TRIO: variants seen among roughly 807,000 people sequenced by gnomAD.
The protein encoded by TRIO is triple functional domain protein.
TRIO carries 58 observed loss-of-function variants against 351.9 expected under a neutral mutation model. The observed-to-expected ratio is 0.16, with a 90% CI of 0.13 to 0.21. The LOEUF is 0.21. TRIO is among the 10% of genes least tolerant of loss of function. The pLI, the probability that TRIO is intolerant of heterozygous loss-of-function variation, is 1.00. For missense variants in TRIO, 3,201 were observed against 4,027.8 expected (o/e 0.79, Z 5.56); for synonymous variants, 1,758 against 1,595.7 (o/e 1.10, Z -2.42).
intron 9 of TRIO, among the ~76,000 whole-genome samples, chr5:14,324,055 A>G (rs1174265737): frequency 1.3e-5 from 2 of 152,232 alleles, no homozygotes; most frequent in African/African-American, 4.8e-5. Flanking sequence ...GAAAGCTCAG[A>G]ATGTAATATG....
intron 18 of TRIO, among the ~76,000 whole-genome samples, chr5:14,370,296 C>T (rs975756204): frequency 6.2e-4 from 94 of 152,140 alleles, no homozygotes; most frequent in African/African-American, 2.2e-3. Context: ...ATAAATGTCA[C>T]ATTTAGTCAT....
At chr5:14,193,237 A>G (rs1030088642) in intron 1 of TRIO, among the ~76,000 whole-genome samples, 1 of 152,362 alleles carries the variant, frequency 6.6e-6, no homozygotes, top group South Asian at 2.1e-4. Flanking sequence ...TTCACTATAA[A>G]TAAGTAAATC....
Position 14,498,269 on chromosome 5 carries a change from C to A in TRIO, c.8210+18C>A, listed in dbSNP as rs777732238. On this transcript the variant is annotated intron_variant, in intron 52 of 56. Coordinates refer to ENST00000344204, the MANE Select transcript of TRIO (RefSeq NM_007118.4). ...TCCTACAGGTGAGGGAGGCCCACTCCTGGTGGGTTTCGCTGGCTGGGAGCA... is the reference window on the plus strand; with the variant it reads ...TCCTACAGGTGAGGGAGGCCCACTCATGGTGGGTTTCGCTGGCTGGGAGCA... The A allele has an allele frequency of 6.2e-7, 1 of 1,608,858 alleles. No individual in the cohort carries two copies. The highest frequency in any genetic ancestry group is 1.7e-5 in the Admixed American group (1 of 59,908).
chr5:14,155,244 G>C (rs1788039272), intron 1 of TRIO, among the ~76,000 whole-genome samples: 1 of 152,106 alleles, frequency 6.6e-6, no homozygotes, highest in African/African-American at 2.4e-5. Context: ...TTCTCTTTCT[G>C]GATATAGCTA....
intron 48 of TRIO, chr5:14,489,013 C>A (rs765400564): frequency 1.3e-6 from 1 of 765,244 alleles, no homozygotes; most frequent in South Asian, 1.3e-5. Flanking sequence ...ACTGTCCTAC[C>A]CACCTGTTTC....
At chr5:14,311,317 A>G (rs1404134922) in intron 8 of TRIO, among the ~76,000 whole-genome samples, 1 of 152,206 alleles carries the variant, frequency 6.6e-6, no homozygotes, top group Non-Finnish European at 1.5e-5. Context: ...CAGAGAGTCA[A>G]ACCAAGGTAA....
At chr5:14,492,465 G>A (rs1756559023) in intron 48 of TRIO, 102 bp from the exon 49 acceptor site, 14 of 1,509,408 alleles carry the variant, frequency 9.3e-6, no homozygotes, top group Admixed American at 1.9e-5. Flanking sequence ...AGCCCTGCAC[G>A]GGGTCATGGT....
intron 41 of TRIO, chr5:14,477,336 T>G (rs150819545): frequency 6.1e-6 from 1 of 163,730 alleles, no homozygotes; most frequent in African/African-American, 2.4e-5. Flanking sequence ...ATAAGCGTAT[T>G]AACATTAAAG....
rs996259020 is a variant in TRIO, at chr5:14,143,569, G to GCCGCCGCCGCCCC, written c.-148_-136dup. The GCCGCCGCCGCCCC allele has an allele frequency of 1.9e-5, 3 of 160,242 alleles. No individual in the cohort carries two copies. The highest frequency in any genetic ancestry group is 1.3e-5 in the Non-Finnish European group (1 of 77,868). 9.9% of individuals were successfully genotyped at this position (160,242 alleles called of 1,614,324 possible). On this transcript the variant is annotated 5_prime_UTR_variant, in exon 1 of 57. An upstream open reading frame in the 5' UTR loses its in-frame stop. Coordinates refer to ENST00000344204, the MANE Select transcript of TRIO (RefSeq NM_007118.4). ...GTGGGCGCGCTCCTTGGGCCGAGCC[G>GCCGCCGCCGCCCC]CCGCCGCCGCCCCCCGCCGCCCCGG...
chr5:14,328,939 G>C (rs1740657487), intron 9 of TRIO, among the ~76,000 whole-genome samples: 1 of 152,034 alleles, frequency 6.6e-6, no homozygotes, highest in East Asian at 1.9e-4. Context: ...AGGACCACAA[G>C]AGGTTTGTTA....
chr5:14,302,291 A>G (rs1279632600), intron 7 of TRIO, among the ~76,000 whole-genome samples: 1 of 152,226 alleles, frequency 6.6e-6, no homozygotes, highest in Non-Finnish European at 1.5e-5. Context: ...TTTGATCTTA[A>G]GAATACGTTG....
chr5:14,195,895 G>T (rs577042351), intron 1 of TRIO, among the ~76,000 whole-genome samples: 1 of 152,242 alleles, frequency 6.6e-6, no homozygotes, highest in South Asian at 2.1e-4. Flanking sequence ...TTCAGTGTGG[G>T]GGTGGGGAGA....
intron 15 of TRIO, among the ~76,000 whole-genome samples, 185 bp downstream of exon 15, chr5:14,365,001 G>T (rs938607981): frequency 4.6e-5 from 7 of 152,152 alleles, no homozygotes; most frequent in Non-Finnish European, 1.0e-4. Flanking sequence ...CATCCCTAAT[G>T]TGTGAAAAGG....
chr5:14,323,802 T>G (rs1410852876), intron 9 of TRIO, among the ~76,000 whole-genome samples: 1 of 152,266 alleles, frequency 6.6e-6, no homozygotes, highest in Non-Finnish European at 1.5e-5. Context: ...TGAATTCCAG[T>G]AAACTCAGAA....
intron 11 of TRIO, among the ~76,000 whole-genome samples, chr5:14,348,493 G>C (rs925539373): frequency 1.3e-5 from 2 of 152,164 alleles, no homozygotes; most frequent in Non-Finnish European, 2.9e-5. Context: ...GCGTGTGTCT[G>C]TATGTACGTG....
chr5:14,348,103 A>T (rs2152328082), intron 11 of TRIO, among the ~76,000 whole-genome samples: 1 of 152,260 alleles, frequency 6.6e-6, no homozygotes, highest in East Asian at 1.9e-4. Flanking sequence ...TGCTGTTTGG[A>T]TCACGTGGGT....
intron 1 of TRIO, among the ~76,000 whole-genome samples, chr5:14,214,572 G>A (rs914319875): frequency 5.3e-5 from 8 of 152,148 alleles, no homozygotes; most frequent in Non-Finnish European, 8.8e-5. Flanking sequence ...AAAATCTACC[G>A]GATGTTATTA....
Position 14,143,877 on chromosome 5 carries a change from G to A in TRIO, c.152G>A (p.Arg51Gln). 6.5e-6 allele frequency: 7 copies of A among 1,076,044 alleles called. No individual in the cohort carries two copies. The highest frequency in any genetic ancestry group is 7.9e-6 in the Non-Finnish European group (7 of 889,414). The allele number at this position is 1,076,044 out of a possible 1,614,324, so 66.7% of individuals were successfully genotyped here. ...CTGGCCGACATCGCGGCCTTCTTCCGATCCGGTGAGTGCAACTGCGGCCGG... is the reference window on the plus strand; with the variant it reads ...CTGGCCGACATCGCGGCCTTCTTCCAATCCGGTGAGTGCAACTGCGGCCGG... ...KDLADIAAFF[R>Q]SGFRKNDEMK... Residue 51 changes from arginine to glutamine, a missense_variant, in exon 1 of 57, where the codon CGA becomes CAA. By Grantham distance (43) the Arg-to-Gln change is conservative. Transcript: ENST00000344204.
At chr5:14,232,909 G>T (rs1301410957) in intron 1 of TRIO, among the ~76,000 whole-genome samples, 1 of 152,216 alleles carries the variant, frequency 6.6e-6, no homozygotes, top group Non-Finnish European at 1.5e-5. Context: ...TAAACTTGGA[G>T]CTGGGGGTGC....
Sources: allele counts gnomAD v4.1 joint callset (sites outside exome capture counted in the v4.1 genomes callset), GRCh38; gene constraint gnomAD v4.1.1; transcripts MANE v1.5; gene names NCBI Gene and HGNC (gene_info 2026-07-23, HGNC 2026-07-21).